Variants in PCDH15 observed in about 807,000 individuals in gnomAD.
PCDH15 encodes protocadherin related 15, also known as protocadherin-15.
In PCDH15, 129 loss-of-function variants were observed where a neutral mutation model predicts 178.5. The observed-to-expected ratio is 0.72, with a 90% CI of 0.63 to 0.84. PCDH15 has a LOEUF of 0.84. PCDH15 is among the 40% of genes least tolerant of loss of function. The pLI is 0.00. For synonymous variants in PCDH15, 800 were observed against 732.0 expected (o/e 1.09, Z -1.50); for missense variants, 2,230 against 2,099.9 (o/e 1.06, Z -1.21).
chr10:54,985,643 A>G (rs765395126), intron 2 of PCDH15, among the ~76,000 whole-genome samples: 2 of 152,186 alleles, frequency 1.3e-5, no homozygotes, highest in African/African-American at 2.4e-5. Context: ...GTGGCTAACT[A>G]CTACTACCTA....
chr10:54,450,881 G>A (rs1463829034), intron 3 of PCDH15, among the ~76,000 whole-genome samples: 2 of 151,726 alleles, frequency 1.3e-5, no homozygotes, highest in East Asian at 3.9e-4. Flanking sequence ...TTGCCAAAAG[G>A]TGTATTCCAA....
intron 1 of PCDH15, among the ~76,000 whole-genome samples, chr10:55,310,705 G>T (rs1282109976): frequency 6.6e-6 from 1 of 152,142 alleles, no homozygotes; most frequent in Non-Finnish European, 1.5e-5. Context: ...AAAAGAATGA[G>T]TTCATCATAT....
In PCDH15 at chr10:54,527,820, C is replaced by G. The variant is rs1555032911; in HGVS notation, c.149G>C (p.Ser50Thr). The change falls in exon 3 of 38, where the codon AGT becomes ACT. Residue 50 changes from serine (S) to threonine (T), a missense_variant. Physicochemically the swap from Ser to Thr is moderately conservative, Grantham distance 58. Transcript: ENST00000644397. ...ATAAAAAACTCACTTACCATTCCGACTTTCTTCATCAATAGCAACTATGGT... is the reference window on the plus strand; with the variant it reads ...ATAAAAAACTCACTTACCATTCCGAGTTTCTTCATCAATAGCAACTATGGT... ...PATIVAIDEESRNGTILVDNM... is the reference protein window; with the variant it reads ...PATIVAIDEETRNGTILVDNM... The G allele has an allele frequency of 1.2e-6, 2 of 1,609,614 alleles. No individual in the cohort carries two copies. Among genetic ancestry groups the G allele is most frequent in the Non-Finnish European group, 1.7e-6 (2 of 1,177,138 alleles).
chr10:54,819,172 T>C (rs1051070114), intron 3 of PCDH15, among the ~76,000 whole-genome samples: 1 of 151,934 alleles, frequency 6.6e-6, no homozygotes, highest in African/African-American at 2.4e-5. Flanking sequence ...GAAGACTTGA[T>C]TAGATATACC....
rs1461861763 is a variant in PCDH15 at position 54,953,919 on chromosome 10, T to C, written c.-79-56419A>G. On this transcript the variant is annotated intron_variant, in intron 2 of 5. Coordinates refer to the PCDH15 transcript ENST00000458638. ...GCATTTAAAATACATTTAAAAAATA[T>C]ATTTTCAGTTTTGTTTAATATTTTG... 2.6e-5 allele frequency among the ~76,000 whole-genome samples: 4 copies of C among 151,478 alleles called. No homozygotes were observed. In the East Asian group the frequency reaches 7.7e-4, roughly 29 times the overall value.
At chr10:55,350,665 C>T (rs532565668) in intron 2 of PCDH15, among the ~76,000 whole-genome samples, 1 of 152,136 alleles carries the variant, frequency 6.6e-6, no homozygotes, top group South Asian at 2.1e-4. Context: ...CTGACTTTTA[C>T]TAGAAAGTGT....
At chr10:53,952,464 G>T (rs1376801941) in intron 23 of PCDH15, among the ~76,000 whole-genome samples, 2 of 152,184 alleles carry the variant, frequency 1.3e-5, no homozygotes, top group Non-Finnish European at 2.9e-5. Flanking sequence ...GCCTGAGTCT[G>T]GTTGAGACTG....
intron 3 of PCDH15, among the ~76,000 whole-genome samples, chr10:54,425,163 T>C (rs1956114284): frequency 6.6e-6 from 1 of 152,030 alleles, no homozygotes; most frequent in African/African-American, 2.4e-5. Context: ...CCTCCAAAAC[T>C]TATGTTGAAA....
intron 2 of PCDH15, among the ~76,000 whole-genome samples, chr10:54,545,513 G>C (rs377281054): frequency 6.6e-6 from 1 of 151,826 alleles, no homozygotes; most frequent in Non-Finnish European, 1.5e-5. Context: ...TATAATTTTG[G>C]TGTAGCTATA....
At chr10:55,482,670 T>A (rs1840208311) in intron 2 of PCDH15, among the ~76,000 whole-genome samples, 1 of 151,866 alleles carries the variant, frequency 6.6e-6, no homozygotes, top group African/African-American at 2.4e-5. Context: ...CTTGTAGGAT[T>A]TCCACTGAGA....
intron 2 of PCDH15, among the ~76,000 whole-genome samples, chr10:55,368,373 A>C (rs1845417829): frequency 6.6e-6 from 1 of 152,066 alleles, no homozygotes; most frequent in African/African-American, 2.4e-5. Context: ...AACTGGGTTT[A>C]TTTTGTAAAT....
intron 1 of PCDH15, among the ~76,000 whole-genome samples, chr10:54,667,467 T>C (rs1229091334): frequency 6.6e-6 from 1 of 152,122 alleles, no homozygotes; most frequent in Non-Finnish European, 1.5e-5. Context: ...ACTTCTGTGA[T>C]TGTGATCAAA....
intron 1 of PCDH15, among the ~76,000 whole-genome samples, chr10:55,177,409 A>G (rs181000711): frequency 1.3e-5 from 2 of 152,260 alleles, no homozygotes; most frequent in African/African-American, 4.8e-5. Context: ...TATGGATCAG[A>G]AAGGAAGAGA....
At chr10:53,972,526 TAC>T (rs2089810380) in intron 21 of PCDH15, among the ~76,000 whole-genome samples, 1 of 152,284 alleles carries the variant, frequency 6.6e-6, no homozygotes, top group South Asian at 2.1e-4. Flanking sequence ...AGAAAATTTT[TAC>T]AGTCTACCCA....
intron 3 of PCDH15, among the ~76,000 whole-genome samples, chr10:54,392,233 G>C (rs1310543264): frequency 6.6e-6 from 1 of 151,968 alleles, no homozygotes; most frequent in African/African-American, 2.4e-5. Flanking sequence ...GGGAGGCTGA[G>C]GCAGGTGGAT....
At chr10:54,948,355 C>T (rs1343093726) in intron 2 of PCDH15, among the ~76,000 whole-genome samples, 1 of 151,914 alleles carries the variant, frequency 6.6e-6, no homozygotes. Context: ...CTATTCAGGT[C>T]ATCAAGTAAT....
intron 2 of PCDH15, among the ~76,000 whole-genome samples, chr10:54,905,516 A>G (rs1027001363): frequency 1.3e-5 from 2 of 152,124 alleles, no homozygotes; most frequent in Admixed American, 6.5e-5. Flanking sequence ...CTAGTTAATT[A>G]TTTGATCTCT....
intron 2 of PCDH15, among the ~76,000 whole-genome samples, chr10:55,566,423 C>A (rs893960636): frequency 6.6e-6 from 1 of 151,244 alleles, no homozygotes; most frequent in Admixed American, 6.6e-5. Context: ...GAAGTCTGAG[C>A]TTACTACTAT....
At chr10:55,560,770 A>C (rs1656612714) in intron 2 of PCDH15, among the ~76,000 whole-genome samples, 1 of 151,892 alleles carries the variant, frequency 6.6e-6, no homozygotes. Context: ...GCTGTATTCC[A>C]GTGCCATTAA....
Sources: gnomAD v4.1 joint callset for allele counts (sites outside exome capture counted in the v4.1 genomes callset) on GRCh38, gnomAD v4.1.1 for gene constraint, MANE v1.5 for transcripts, NCBI Gene and HGNC (gene_info 2026-07-23, HGNC 2026-07-21) for gene names.